Variants in PIGK observed in about 807,000 individuals in gnomAD.
The protein encoded by PIGK is phosphatidylinositol glycan anchor biosynthesis class K, also known as GPI-anchor transamidase.
PIGK carries 42 observed loss-of-function variants against 50.6 expected under a neutral mutation model. That is an observed-to-expected ratio of 0.83 (90% CI 0.65 to 1.07). The LOEUF (loss-of-function observed/expected upper bound fraction) is 1.07, where lower values mean the gene tolerates loss of function less well. PIGK is among the 50% of genes least tolerant of loss of function. The pLI, the probability that PIGK is intolerant of heterozygous loss-of-function variation, is 0.00. For synonymous variants in PIGK, 151 were observed against 156.0 expected, an observed-to-expected ratio of 0.97 and a Z score of 0.24; for missense variants, 448 against 488.7, an observed-to-expected ratio of 0.92 and a Z score of 0.78.
intron 8 of PIGK, among the ~76,000 whole-genome samples, chr1:77,158,316 C>A (rs183284858): frequency 3.4e-5 from 5 of 149,014 alleles, no homozygotes; most frequent in African/African-American, 1.3e-4. Context: ...TGAGCCCAGC[C>A]TAAATCTCTC....
At chr1:77,181,938 C>A (rs943356389) in intron 3 of PIGK, among the ~76,000 whole-genome samples, 8 of 152,208 alleles carry the variant, frequency 5.3e-5, no homozygotes, top group Non-Finnish European at 1.0e-4. Flanking sequence ...AATAAATCTA[C>A]TAACCACAGA....
chr1:77,133,881 C>T lies in PIGK; in HGVS notation c.987-11522G>A, dbSNP rs560333541. 3.3e-5 allele frequency among the ~76,000 whole-genome samples: 5 copies of T among 152,218 alleles called. No individual in the cohort carries two copies. The South Asian group carries it at 8.3e-4, about 25-fold the overall frequency. On this transcript the variant is annotated intron_variant, in intron 9 of 10. Coordinates refer to ENST00000370812, the MANE Select transcript of PIGK (RefSeq NM_005482.3). ...CTTACATTTTTGGACTATTGTCCTG[C>T]ACAGCTTAAGAATTTGGCATGCCAG...
chr1:77,148,932 G>A (rs568135491), intron 9 of PIGK, among the ~76,000 whole-genome samples: 1 of 152,172 alleles, frequency 6.6e-6, no homozygotes, highest in East Asian at 1.9e-4. Context: ...GGCCAGAATG[G>A]TGTTGATCTC....
chr1:77,095,391 T>C (rs528464201), intron 10 of PIGK, among the ~76,000 whole-genome samples: 1 of 152,326 alleles, frequency 6.6e-6, no homozygotes, highest in South Asian at 2.1e-4. Context: ...ACAATACTTC[T>C]GCAGCTGAGT....
Position 77,090,622 on chromosome 1 carries a change from A to C in PIGK, c.*1752T>G, listed in dbSNP as rs140327777. 154 of 152,322 alleles carry C rather than the reference A, an allele frequency of 1.0e-3. 2 individuals are homozygous for C. The highest frequency in any genetic ancestry group is 3.5e-3 in the African/African-American group (145 of 41,570). The allele number at this position is 152,322 out of a possible 1,614,324, so 9.4% of individuals were successfully genotyped here. A position where few individuals can be genotyped will look rare whatever the true frequency, so the allele number is the denominator to read the frequency against. ...ACTAAATTACTTTGGCTCAAGAACA[A>C]TCATAATTCCTTTACCACCCTAAAT... On this transcript the variant is annotated 3_prime_UTR_variant, in exon 11 of 11. Coordinates refer to ENST00000370812, the MANE Select transcript of PIGK (RefSeq NM_005482.3).
intron 10 of PIGK, among the ~76,000 whole-genome samples, chr1:77,115,756 A>C (rs920885990): frequency 6.6e-6 from 1 of 152,216 alleles, no homozygotes; most frequent in Admixed American, 6.5e-5. Context: ...TCTCTCCAAG[A>C]AACTAAATCT....
At chr1:77,199,620 T>G (rs186787952) in intron 3 of PIGK, among the ~76,000 whole-genome samples, 1 of 151,948 alleles carries the variant, frequency 6.6e-6, no homozygotes. Context: ...TTAGAAATTT[T>G]AATAAATGAA....
chr1:77,188,451 C>G (rs553066187), intron 3 of PIGK, among the ~76,000 whole-genome samples: 1 of 152,044 alleles, frequency 6.6e-6, no homozygotes, highest in Non-Finnish European at 1.5e-5. Context: ...TTGGTCAGAC[C>G]GGTTGATCTC....
chr1:77,180,123 T>C lies in PIGK; in HGVS notation c.240-10728A>G, dbSNP rs573736210. 9.9e-5 allele frequency among the ~76,000 whole-genome samples: 15 copies of C among 152,220 alleles called. No individual in the cohort carries two copies. The South Asian group carries it at 3.1e-3, about 32-fold the overall frequency. On this transcript the variant is annotated intron_variant, in intron 3 of 10. Transcript: ENST00000370812. ...TATTAAAATGATAAAATTCCCAAAA[T>C]ATCCCCAATAGATACAAGAATATGT...
intron 10 of PIGK, among the ~76,000 whole-genome samples, chr1:77,097,102 C>G (rs1305196851): frequency 6.6e-6 from 1 of 151,902 alleles, no homozygotes; most frequent in African/African-American, 2.4e-5. Flanking sequence ...ATGATGAGTT[C>G]ATGTCCTTTG....
At chr1:77,120,461 C>A (rs915812899) in intron 10 of PIGK, among the ~76,000 whole-genome samples, 4 of 152,178 alleles carry the variant, frequency 2.6e-5, no homozygotes, top group African/African-American at 9.6e-5. Flanking sequence ...CTCAAGTGAT[C>A]CATCCACCTC....
intron 9 of PIGK, 79 bp downstream of exon 9, chr1:77,154,370 C>A: frequency 9.5e-7 from 1 of 1,047,574 alleles, no homozygotes; most frequent in East Asian, 2.4e-5. Flanking sequence ...CCAACTTTTG[C>A]CTCTTAATAC....
chr1:77,163,706 A>G (rs1655175918), intron 6 of PIGK, 140 bp downstream of exon 6: 2 of 583,318 alleles, frequency 3.4e-6, no homozygotes, highest in South Asian at 4.3e-5. Context: ...TTCAGAGGAA[A>G]TAACAAATGT....
chr1:77,176,274 G>A (rs1158348852), intron 3 of PIGK, among the ~76,000 whole-genome samples: 1 of 151,994 alleles, frequency 6.6e-6, no homozygotes, highest in Non-Finnish European at 1.5e-5. Context: ...TCTAACTTTG[G>A]GATGCTACAG....
chr1:77,178,720 C>T (rs1167612396), intron 3 of PIGK, among the ~76,000 whole-genome samples: 2 of 152,152 alleles, frequency 1.3e-5, no homozygotes, highest in Non-Finnish European at 2.9e-5. Context: ...TAATAATAGT[C>T]TCCTTGGTGC....
intron 10 of PIGK, among the ~76,000 whole-genome samples, chr1:77,106,932 A>T (rs1441912898): frequency 6.6e-6 from 1 of 152,036 alleles, no homozygotes; most frequent in East Asian, 1.9e-4. Flanking sequence ...ATCAGTGGTG[A>T]TATCCCCTTT....
At chr1:77,101,687 C>A (rs1653544625) in intron 10 of PIGK, among the ~76,000 whole-genome samples, 1 of 152,216 alleles carries the variant, frequency 6.6e-6, no homozygotes, top group Non-Finnish European at 1.5e-5. Flanking sequence ...GTTTAGGATT[C>A]CACAGTGAGA....
intron 10 of PIGK, among the ~76,000 whole-genome samples, chr1:77,113,090 T>C (rs1013972839): frequency 7.2e-5 from 11 of 152,118 alleles, no homozygotes; most frequent in African/African-American, 2.7e-4. Flanking sequence ...AGAACAGTCA[T>C]TATGATTCTA....
intron 9 of PIGK, among the ~76,000 whole-genome samples, chr1:77,134,606 TAC>T (rs1654456616): frequency 6.6e-6 from 1 of 152,158 alleles, no homozygotes; most frequent in Non-Finnish European, 1.5e-5. Flanking sequence ...GGCGAATGAT[TAC>T]AGAGAAAAAT....
Sources: gnomAD v4.1 joint callset for allele counts (sites outside exome capture counted in the v4.1 genomes callset) on GRCh38, gnomAD v4.1.1 for gene constraint, MANE v1.5 for transcripts, NCBI Gene and HGNC (gene_info 2026-07-23, HGNC 2026-07-21) for gene names.